MMD2: variants seen among roughly 807,000 people sequenced by gnomAD.
MMD2 encodes the protein monocyte to macrophage differentiation factor 2.
MMD2 carries 30 observed loss-of-function variants against 33.5 expected under a neutral mutation model. The observed-to-expected ratio is 0.90, with a 90% confidence interval of 0.67 to 1.22. The LOEUF (loss-of-function observed/expected upper bound fraction) is 1.22, where lower values mean the gene tolerates loss of function less well. Among genes scored for constraint, MMD2 ranks in the 50% most tolerant of loss-of-function variants. The pLI, the probability that MMD2 is intolerant of heterozygous loss-of-function variation, is 0.00. For missense variants in MMD2, 364 were observed against 325.4 expected, an observed-to-expected ratio of 1.12 and a Z score of -0.91; for synonymous variants, 129 against 123.0, an observed-to-expected ratio of 1.05 and a Z score of -0.32.
At chr7:4,926,113 T>C (rs1043316076) in intron 1 of MMD2, among the ~76,000 whole-genome samples, 3 of 149,010 alleles carry the variant, frequency 2.0e-5, no homozygotes, top group African/African-American at 7.4e-5. Context: ...GCTTTTTTTT[T>C]CTTACACGGG....
rs752590063 is a variant in MMD2 at position 4,906,929 on chromosome 7, A to G, written c.*467T>C. 2.6e-5 allele frequency: 6 copies of G among 234,682 alleles called. No individual in the cohort carries two copies. Among genetic ancestry groups the G allele is most frequent in the Non-Finnish European group, 4.1e-5 (5 of 120,676 alleles). 14.5% of individuals were successfully genotyped at this position (234,682 alleles called of 1,614,324 possible). A position where few individuals can be genotyped will look rare whatever the true frequency, so the allele number is the denominator to read the frequency against. ...TGGTCACAGCCATTCACCATCCCTC[A>G]TCTTCAAGCTGGGCTGTCCCCTTTC... On this transcript the variant is annotated 3_prime_UTR_variant, in exon 7 of 7. Coordinates refer to ENST00000401401, the MANE Select transcript of MMD2 (RefSeq NM_198403.4).
intron 1 of MMD2, among the ~76,000 whole-genome samples, chr7:4,934,429 C>A (rs114081869): frequency 0.018 from 2,787 of 152,168 alleles, 100 homozygotes; most frequent in African/African-American, 0.063. Context: ...AAGTGAAATG[C>A]GTAGATAAAA....
chr7:4,907,897 C>G (rs951885990), intron 6 of MMD2, among the ~76,000 whole-genome samples: 1 of 152,154 alleles, frequency 6.6e-6, no homozygotes, highest in Non-Finnish European at 1.5e-5. Flanking sequence ...GCCTCCAACT[C>G]CTGGGATGAT....
the MMD2 span, among the ~76,000 whole-genome samples, chr7:4,897,252 A>G: frequency 6.6e-6 from 1 of 150,840 alleles, no homozygotes; most frequent in African/African-American, 2.4e-5. Context: ...AAAAAAAGAC[A>G]ATTAGGCCAG....
At chr7:4,932,624 ATTT>A (rs34390864) in intron 1 of MMD2, among the ~76,000 whole-genome samples, 3 of 137,750 alleles carry the variant, frequency 2.2e-5, no homozygotes, top group Non-Finnish European at 4.7e-5. Flanking sequence ...TCTGTGGTGC[ATTT>A]TTTTTTTTTT....
At chr7:4,909,803 A>G in intron 6 of MMD2, 78 bp downstream of exon 6, 3 of 1,543,838 alleles carry the variant, frequency 1.9e-6, no homozygotes, top group Non-Finnish European at 2.6e-6. Flanking sequence ...GGTTTGTGAC[A>G]ATCTCAACAG....
At chr7:4,920,699 TCCC>T (rs1785259606) in intron 2 of MMD2, among the ~76,000 whole-genome samples, 1 of 73,478 alleles carries the variant, frequency 1.4e-5, no homozygotes, top group Non-Finnish European at 2.7e-5. Context: ...CCTCCCTCCC[TCCC>T]TCCCTCCCTC....
intron 1 of MMD2, among the ~76,000 whole-genome samples, chr7:4,943,965 C>A (rs894637501): frequency 6.6e-6 from 1 of 151,772 alleles, no homozygotes; most frequent in Non-Finnish European, 1.5e-5. Context: ...CCACCCCCAA[C>A]TAATTTTCTC....
At chr7:4,904,905 G>A (rs1784841524), downstream of MMD2, among the ~76,000 whole-genome samples, 1 of 152,232 alleles carries the variant, frequency 6.6e-6, no homozygotes, top group Non-Finnish European at 1.5e-5. Context: ...AGGGCAGGGG[G>A]CATGACAGGG....
chr7:4,934,209 C>T (rs1432667940), intron 1 of MMD2, among the ~76,000 whole-genome samples: 4 of 152,096 alleles, frequency 2.6e-5, no homozygotes, highest in Non-Finnish European at 4.4e-5. Flanking sequence ...GGATTACAGG[C>T]GTGAGCCACT....
rs1312062164 is a variant in MMD2, at chr7:4,925,468, T to G, written c.112A>C (p.Asn38His). 2 of 1,570,150 alleles carry G rather than the reference T, an allele frequency of 1.3e-6. No homozygotes were observed. The highest frequency in any genetic ancestry group is 2.4e-5 in the East Asian group (1 of 41,472). ...YQPTEYEHAA[N>H]CATHAFWIIP... Reference sequence around the variant, plus strand: ...CAACTCACAGCATGGGTGGCACAGTTGGCCGCATGTTCATACTCTGTGGGC... The same window carrying G: ...CAACTCACAGCATGGGTGGCACAGTGGGCCGCATGTTCATACTCTGTGGGC... Residue 38 changes from asparagine (N) to histidine (H), a missense_variant, in exon 2 of 7, where the codon AAC becomes CAC. Transcript: ENST00000401401.
chr7:4,909,600 T>G (rs188033404), intron 6 of MMD2: 42 of 629,504 alleles, frequency 6.7e-5, no homozygotes, highest in African/African-American at 4.9e-4. Flanking sequence ...GCACCACATC[T>G]GGCTAATTTT....
At position 4,906,637 on chromosome 7, in the gene MMD2, CG is replaced by C. The variant is rs1319173759; in HGVS notation, c.*758del. 1 of 398,094 alleles carries C rather than the reference CG, an allele frequency of 2.5e-6. No individual in the cohort carries two copies. Among genetic ancestry groups the C allele is most frequent in the East Asian group, 3.6e-5 (1 of 28,054 alleles). 24.7% of individuals were successfully genotyped at this position (398,094 alleles called of 1,614,324 possible). On this transcript the variant is annotated 3_prime_UTR_variant, in exon 7 of 7. Transcript: ENST00000401401. Reference sequence around the variant, plus strand: ...GAACATCAGGGGCTGCATGGGTGTGCGCCTCAGTTTCCCTCTACCGCCCCCA... The same window carrying C: ...GAACATCAGGGGCTGCATGGGTGTGCCCTCAGTTTCCCTCTACCGCCCCCA...
downstream of MMD2, among the ~76,000 whole-genome samples, chr7:4,905,706 T>C (rs1347086634): frequency 6.6e-6 from 1 of 151,966 alleles, no homozygotes; most frequent in African/African-American, 2.4e-5. This position sits in a 1 kb window ranked among gnomAD's most constrained non-coding sequence, Gnocchi z 5.0. Flanking sequence ...TTTCAGTGTC[T>C]CTGTCCCCAT....
At chr7:4,916,672 C>T (rs112865809) in intron 3 of MMD2, among the ~76,000 whole-genome samples, 2,829 of 152,128 alleles carry the variant, frequency 0.019, 84 homozygotes, top group African/African-American at 0.065. Context: ...CGTGAGCCAC[C>T]GCACCTGGCC....
chr7:4,934,549 G>A (rs1307724960), intron 1 of MMD2, among the ~76,000 whole-genome samples: 1 of 152,216 alleles, frequency 6.6e-6, no homozygotes, highest in Non-Finnish European at 1.5e-5. Context: ...TTAAACTAAA[G>A]GAGGGAAGTG....
At chr7:4,943,252 G>A (rs981931656) in intron 1 of MMD2, among the ~76,000 whole-genome samples, 14 of 149,672 alleles carry the variant, frequency 9.4e-5, no homozygotes, top group East Asian at 4.1e-4. Flanking sequence ...CTTGTGATCC[G>A]CCTGCCTCAG....
At chr7:4,901,524 C>G (rs1784794044), downstream of MMD2, among the ~76,000 whole-genome samples, 1 of 152,202 alleles carries the variant, frequency 6.6e-6, no homozygotes, top group South Asian at 2.1e-4. Flanking sequence ...ATCATAATCT[C>G]CATTTTATAA....
At chr7:4,925,129 C>T (rs1785389120) in intron 2 of MMD2, among the ~76,000 whole-genome samples, 1 of 152,040 alleles carries the variant, frequency 6.6e-6, no homozygotes. Flanking sequence ...CGGGGTTTCA[C>T]CATGTTGGCC....
Sources: allele counts gnomAD v4.1 joint callset (sites outside exome capture counted in the v4.1 genomes callset), GRCh38; gene constraint gnomAD v4.1.1; non-coding constraint Gnocchi (gnomAD v3.1); transcripts MANE v1.5; gene names NCBI Gene and HGNC (gene_info 2026-07-23, HGNC 2026-07-21).